The following IL1RAPL1 variants were observed in gnomAD, a reference collection of about 807,000 sequenced individuals.
IL1RAPL1 encodes interleukin-1 receptor accessory protein-like 1.
Under a neutral mutation model 48.4 loss-of-function variants are expected in IL1RAPL1, and 3 were observed. The observed-to-expected ratio is 0.06, with a 90% CI of 0.03 to 0.16. The LOEUF is 0.16. IL1RAPL1 is among the 10% of genes least tolerant of loss of function. The pLI, the probability that IL1RAPL1 is intolerant of heterozygous loss-of-function variation, is 1.00. For missense variants in IL1RAPL1, 349 were observed against 530.6 expected, an observed-to-expected ratio of 0.66 and a Z score of 3.36; for synonymous variants, 185 against 187.7, an observed-to-expected ratio of 0.99 and a Z score of 0.12.
chrX:28,593,533 C>T (rs2146874808), intron 1 of IL1RAPL1, among the ~76,000 whole-genome samples: 1 of 111,400 alleles, frequency 9.0e-6, no homozygotes, highest in Admixed American at 9.6e-5. Context: ...TTTGTTCTTA[C>T]AGGAGCTACA....
chrX:28,866,873 C>T (rs1922089649), intron 2 of IL1RAPL1, among the ~76,000 whole-genome samples: 1 of 111,431 alleles, frequency 9.0e-6, no homozygotes, highest in African/African-American at 3.3e-5. Context: ...GCAGACTACA[C>T]AGATAAAGTT....
At chrX:29,160,876 A>G (rs939212888) in intron 2 of IL1RAPL1, among the ~76,000 whole-genome samples, 1 of 111,870 alleles carries the variant, frequency 8.9e-6, no homozygotes, top group Admixed American at 9.5e-5. Context: ...CAACATGGTG[A>G]AACCCTGTCT....
chrX:29,275,143 G>T (rs1352177750), intron 2 of IL1RAPL1, among the ~76,000 whole-genome samples: 1 of 111,477 alleles, frequency 9.0e-6, no homozygotes, highest in East Asian at 2.8e-4. Context: ...TTAGCAGTGG[G>T]TTTCAAAGTG....
chrX:29,169,168 G>T (rs551198445), intron 2 of IL1RAPL1, among the ~76,000 whole-genome samples: 2 of 108,689 alleles, frequency 1.8e-5, no homozygotes, highest in African/African-American at 6.6e-5. Context: ...ATTTCCTTTG[G>T]ATATATATCT....
At chrX:29,779,143 C>T (rs772532643) in intron 6 of IL1RAPL1, among the ~76,000 whole-genome samples, 6 of 111,732 alleles carry the variant, frequency 5.4e-5, no homozygotes, top group South Asian at 7.4e-4. Flanking sequence ...ATGATAAAAT[C>T]GATGGGCATT....
chrX:29,677,890 A>T (rs1473135020), intron 6 of IL1RAPL1, among the ~76,000 whole-genome samples: 2 of 111,850 alleles, frequency 1.8e-5, no homozygotes, highest in Non-Finnish European at 3.8e-5. Flanking sequence ...TTCATAAGGG[A>T]TATGCTTTGA....
At chrX:29,910,487 A>T (rs1378990015) in intron 6 of IL1RAPL1, among the ~76,000 whole-genome samples, 1 of 111,881 alleles carries the variant, frequency 8.9e-6, no homozygotes, top group Non-Finnish European at 1.9e-5. Flanking sequence ...TTACTTTTAA[A>T]TATTTGGAAT....
At chrX:29,569,199 C>T (rs997079039) in intron 5 of IL1RAPL1, among the ~76,000 whole-genome samples, 1 of 110,808 alleles carries the variant, frequency 9.0e-6, no homozygotes, top group African/African-American at 3.3e-5. Flanking sequence ...CTTCATTCCA[C>T]GCTTTGGAAT....
intron 5 of IL1RAPL1, among the ~76,000 whole-genome samples, chrX:29,434,778 T>C (rs185430023): frequency 7.6e-4 from 85 of 111,225 alleles, no homozygotes; most frequent in African/African-American, 2.6e-3. Context: ...TTTTAATTTA[T>C]AGTTTAGGTT....
intron 5 of IL1RAPL1, among the ~76,000 whole-genome samples, chrX:29,404,676 GAAAT>G (rs1934033044): frequency 9.0e-6 from 1 of 111,501 alleles, no homozygotes; most frequent in Non-Finnish European, 1.9e-5. Context: ...TAGAATAAGA[GAAAT>G]AAAATATTTT....
intron 5 of IL1RAPL1, among the ~76,000 whole-genome samples, chrX:29,541,416 A>G (rs774465071): frequency 8.9e-6 from 1 of 111,935 alleles, no homozygotes; most frequent in Admixed American, 9.5e-5. Flanking sequence ...GCTCCCCAGC[A>G]ATCCTATTAC....
At chrX:29,512,263 A>C (rs1935401109) in intron 5 of IL1RAPL1, among the ~76,000 whole-genome samples, 1 of 111,345 alleles carries the variant, frequency 9.0e-6, no homozygotes, top group African/African-American at 3.3e-5. Flanking sequence ...TGAAAAAGAA[A>C]GTTATTTAGC....
chrX:29,941,901 C>G (rs775013108), intron 9 of IL1RAPL1, 107 bp downstream of exon 9: 1 of 691,618 alleles, frequency 1.4e-6, no homozygotes, highest in East Asian at 3.4e-5. Context: ...GGCAGCAGCT[C>G]GTATATTCTT....
At chrX:29,108,804 CAT>C (rs2147468730) in intron 2 of IL1RAPL1, among the ~76,000 whole-genome samples, 1 of 111,381 alleles carries the variant, frequency 9.0e-6, no homozygotes, top group South Asian at 3.8e-4. Context: ...ATTACTGAGT[CAT>C]AGGGCATACA....
At chrX:29,008,256 G>T (rs1009143501) in intron 2 of IL1RAPL1, among the ~76,000 whole-genome samples, 1 of 109,352 alleles carries the variant, frequency 9.1e-6, no homozygotes, top group Non-Finnish European at 1.9e-5. Context: ...TGCAAGCTCC[G>T]CCTCCCGGGT....
At chrX:29,669,293 G>A (rs1926084112) in intron 6 of IL1RAPL1, among the ~76,000 whole-genome samples, 1 of 111,605 alleles carries the variant, frequency 9.0e-6, no homozygotes, top group Non-Finnish European at 1.9e-5. Context: ...GTTTTTGTTT[G>A]TAGTGGTGCA....
chrX:29,032,838 TTATGGAACCATG>T (rs1390449218), intron 2 of IL1RAPL1, among the ~76,000 whole-genome samples: 1 of 112,377 alleles, frequency 8.9e-6, no homozygotes, highest in Non-Finnish European at 1.9e-5. Context: ...CACTTACTGT[TTATGGAACCATG>T]GGCAAGTTAC....
At chrX:29,593,752 T>C (rs1488418094) in intron 5 of IL1RAPL1, among the ~76,000 whole-genome samples, 1 of 112,336 alleles carries the variant, frequency 8.9e-6, no homozygotes, top group Non-Finnish European at 1.9e-5. Context: ...ATGAGTATCA[T>C]GATTTTACTC....
chrX:28,627,891 T>C (rs1217458786), intron 1 of IL1RAPL1, among the ~76,000 whole-genome samples: 1 of 111,380 alleles, frequency 9.0e-6, no homozygotes, highest in Non-Finnish European at 1.9e-5. Context: ...TTTTCTTTGT[T>C]GTTTATTTTA....
Sources: gnomAD v4.1 joint callset for allele counts (sites outside exome capture counted in the v4.1 genomes callset) on GRCh38, gnomAD v4.1.1 for gene constraint, MANE v1.5 for transcripts, NCBI Gene and HGNC (gene_info 2026-07-23, HGNC 2026-07-21) for gene names.